USP34: variants seen among roughly 807,000 people sequenced by gnomAD.
The protein encoded by USP34 is ubiquitin specific peptidase 34.
In USP34, 70 loss-of-function variants were observed where a neutral mutation model predicts 460.3. The ratio of observed to expected loss-of-function variants is 0.15; its 90% CI spans 0.13 to 0.19. The LOEUF (loss-of-function observed/expected upper bound fraction) is 0.19, where lower values mean the gene tolerates loss of function less well. USP34 is among the 10% of genes least tolerant of loss of function. USP34 has a pLI of 1.00. For missense variants in USP34, 3,985 were observed against 4,236.2 expected (o/e 0.94, Z 1.65); for synonymous variants, 1,647 against 1,405.3 (o/e 1.17, Z -3.85).
rs1220598910 is a variant in USP34 at position 61,429,520 on chromosome 2, A to G, written c.44-8687T>C. ...CATGCACCTGTAGTCCTAGCTACCC[A>G]GGAGGCTGAGGTGAATGAGTTGCTT... On this transcript the variant is annotated intron_variant, in intron 1 of 79. Coordinates refer to ENST00000398571, the MANE Select transcript of USP34 (RefSeq NM_014709.4). Among the ~76,000 whole-genome samples, 4 of 152,242 alleles carry G rather than the reference A, an allele frequency of 2.6e-5. No individual in the cohort carries two copies. The East Asian group carries it at 7.7e-4, about 29-fold the overall frequency.
At chr2:61,452,905 C>CAAAAAAA (rs57925421) in intron 1 of USP34, among the ~76,000 whole-genome samples, 2 of 127,132 alleles carry the variant, frequency 1.6e-5, no homozygotes. Context: ...ACCCCACAAC[C>CAAAAAAA]AAAAAAAAAA....
At chr2:61,315,964 C>G (rs1690730917) in intron 23 of USP34, among the ~76,000 whole-genome samples, 1 of 150,952 alleles carries the variant, frequency 6.6e-6, no homozygotes, top group South Asian at 2.1e-4. Flanking sequence ...CTTTGGGAGG[C>G]TGAGGCAGGC....
chr2:61,199,657 T>TATTTCCCACCA (rs549244238), intron 75 of USP34, among the ~76,000 whole-genome samples: 1 of 152,250 alleles, frequency 6.6e-6, no homozygotes, highest in South Asian at 2.1e-4. Flanking sequence ...CACTACCACC[T>TATTTCCCACCA]ATTTCCCACC....
intron 10 of USP34, among the ~76,000 whole-genome samples, chr2:61,365,551 T>C (rs1692411062): frequency 6.6e-6 from 1 of 152,058 alleles, no homozygotes. Context: ...ATCCACAAAT[T>C]TCTCTTCAGG....
rs374417313 is a variant in USP34, at chr2:61,402,271, C to A, written c.552+3437G>T. Among the ~76,000 whole-genome samples, 23 of 152,124 alleles carry A rather than the reference C, an allele frequency of 1.5e-4. No individual in the cohort carries two copies. In the East Asian group the frequency reaches 4.5e-3, roughly 30 times the overall value. On this transcript the variant is annotated intron_variant, in intron 3 of 79. Coordinates refer to ENST00000398571, the MANE Select transcript of USP34 (RefSeq NM_014709.4). ...CTCCAGCCTGGGAGACAGAGCAAGA[C>A]CCTGTCTCTTAAGGGGAAAAAAATT... is the stretch of plus-strand genomic sequence containing the variant.
intron 19 of USP34, 130 bp from the exon 20 acceptor site, chr2:61,331,501 C>A (rs775301421): frequency 3.4e-6 from 2 of 592,872 alleles, no homozygotes; most frequent in Non-Finnish European, 5.3e-6. Flanking sequence ...AAAATATACA[C>A]GTTTTATTTA....
At chr2:61,443,528 T>C (rs1695027412) in intron 1 of USP34, among the ~76,000 whole-genome samples, 1 of 149,256 alleles carries the variant, frequency 6.7e-6, no homozygotes. Flanking sequence ...TGAAAATACA[T>C]AAAGAACATT....
chr2:61,307,818 G>A (rs186683020), intron 27 of USP34, among the ~76,000 whole-genome samples: 1 of 152,052 alleles, frequency 6.6e-6, no homozygotes, highest in African/African-American at 2.4e-5. Flanking sequence ...ACGGCCAAGG[G>A]GGGAGGATAG....
chr2:61,228,081 C>T (rs1404770383), intron 61 of USP34, among the ~76,000 whole-genome samples: 3 of 152,152 alleles, frequency 2.0e-5, no homozygotes, highest in Non-Finnish European at 1.5e-5. Context: ...GATCAAAGCA[C>T]AACAAGTCAC....
At chr2:61,320,586 C>G (rs183428267) in intron 21 of USP34, among the ~76,000 whole-genome samples, 2 of 152,322 alleles carry the variant, frequency 1.3e-5, no homozygotes, top group Admixed American at 1.3e-4. Context: ...ACTATCTCAT[C>G]CAGGCGCAGT....
chr2:61,319,839 A>G (rs1470511383), intron 21 of USP34, among the ~76,000 whole-genome samples: 3 of 152,154 alleles, frequency 2.0e-5, no homozygotes, highest in Non-Finnish European at 4.4e-5. Flanking sequence ...GCGAGATTCC[A>G]TCTCAAAAAA....
chr2:61,428,286 A>G (rs1407481467), intron 1 of USP34, among the ~76,000 whole-genome samples: 2 of 151,854 alleles, frequency 1.3e-5, no homozygotes, highest in Non-Finnish European at 2.9e-5. Flanking sequence ...ATGTTAAATC[A>G]GTCATTGAAA....
chr2:61,364,936 A>T (rs957170293), intron 10 of USP34, among the ~76,000 whole-genome samples: 1 of 148,776 alleles, frequency 6.7e-6, no homozygotes, highest in African/African-American at 2.5e-5. Context: ...TCTCAAAAAA[A>T]TAATTTAAAA....
chr2:61,284,216 T>C (rs944933605), intron 35 of USP34, among the ~76,000 whole-genome samples: 12 of 152,226 alleles, frequency 7.9e-5, no homozygotes, highest in Non-Finnish European at 1.2e-4. Context: ...AAGAGATGTG[T>C]GTGACAAACA....
intron 75 of USP34, among the ~76,000 whole-genome samples, chr2:61,199,358 C>T (rs1415444840): frequency 3.9e-5 from 6 of 152,198 alleles, no homozygotes; most frequent in East Asian, 1.9e-4. Flanking sequence ...CAGGCTCAAG[C>T]GATTCTCCTG....
chr2:61,324,198 G>A (rs1572935401), intron 21 of USP34, among the ~76,000 whole-genome samples: 1 of 152,126 alleles, frequency 6.6e-6, no homozygotes, highest in Admixed American at 6.5e-5. Context: ...AAGGAGCTTT[G>A]GCTAACAGAA....
chr2:61,437,677 G>C (rs1449957790), intron 1 of USP34, among the ~76,000 whole-genome samples: 2 of 152,012 alleles, frequency 1.3e-5, no homozygotes, highest in Non-Finnish European at 2.9e-5. Context: ...GGAGGCTGAG[G>C]CAGGAGAATG....
intron 3 of USP34, among the ~76,000 whole-genome samples, chr2:61,395,594 C>G (rs1572999435): frequency 6.9e-6 from 1 of 144,952 alleles, no homozygotes; most frequent in East Asian, 2.0e-4. Flanking sequence ...GTCAGGAGAT[C>G]GAGACCACGG....
chr2:61,446,123 A>AC (rs1251480494), intron 1 of USP34, among the ~76,000 whole-genome samples: 1 of 151,510 alleles, frequency 6.6e-6, no homozygotes, highest in Non-Finnish European at 1.5e-5. Flanking sequence ...CAAAAAAAAA[A>AC]AAAAAAAAAA....
Sources: gnomAD v4.1 joint callset for allele counts (sites outside exome capture counted in the v4.1 genomes callset) on GRCh38, gnomAD v4.1.1 for gene constraint, MANE v1.5 for transcripts, NCBI Gene and HGNC (gene_info 2026-07-23, HGNC 2026-07-21) for gene names.